The following BBIP1 variants were observed in gnomAD, a reference collection of about 807,000 sequenced individuals.
BBIP1 encodes BBSome-interacting protein 1.
Under a neutral mutation model 8.9 loss-of-function variants are expected in BBIP1, and 6 were observed. The ratio of observed to expected loss-of-function variants is 0.67; its 90% CI spans 0.37 to 1.33. The LOEUF is 1.33. Ranked by LOEUF, BBIP1 falls within the 40% of genes most tolerant of loss-of-function variation. BBIP1 has a pLI of 0.02. For missense variants in BBIP1, 111 were observed against 109.2 expected (o/e 1.02, Z -0.07); for synonymous variants, 32 against 33.4 (o/e 0.96, Z 0.14).
intron 2 of BBIP1, chr10:110,901,837 G>A (rs112847194): frequency 1.9e-5 from 9 of 481,222 alleles, no homozygotes; most frequent in Middle Eastern, 5.7e-4. Flanking sequence ...TACAAGGCTA[G>A]GTGTTGTAAT....
chr10:110,910,754 A>T (rs976641165), intron 2 of BBIP1: 4 of 152,230 alleles, frequency 2.6e-5, no homozygotes, highest in Admixed American at 2.0e-4. Context: ...TCATACCGGA[A>T]ACACAGATGA....
At chr10:110,909,512 T>C (rs1043408740) in intron 2 of BBIP1, among the ~76,000 whole-genome samples, 5 of 152,352 alleles carry the variant, frequency 3.3e-5, no homozygotes, top group Admixed American at 6.5e-5. Context: ...TTGGCTCTTA[T>C]GTCATCTTTT....
Position 110,905,485 on chromosome 10 carries a change from C to G in BBIP1, c.38-3873G>C, listed in dbSNP as rs1431646052. ...GCTGAGGCAGGAGAATGGCGTGAACCTGGGAGGCGGAGCTTGCAGTGAGCC... is the reference window on the plus strand; with the variant it reads ...GCTGAGGCAGGAGAATGGCGTGAACGTGGGAGGCGGAGCTTGCAGTGAGCC... On this transcript the variant is annotated intron_variant, in intron 2 of 3. Coordinates refer to ENST00000448814, the MANE Select transcript of BBIP1 (RefSeq NM_001195305.3). Among the ~76,000 whole-genome samples, 3 of 152,004 alleles carry G rather than the reference C, an allele frequency of 2.0e-5. No homozygotes were observed. In the East Asian group the frequency reaches 5.8e-4, roughly 29 times the overall value.
chr10:110,904,764 A>C (rs889161644), intron 2 of BBIP1: 2 of 152,264 alleles, frequency 1.3e-5, no homozygotes, highest in Non-Finnish European at 1.5e-5. Flanking sequence ...AGCTGACTAA[A>C]TGTTCACCAG....
chr10:110,918,187 G>C lies in BBIP1; in HGVS notation c.-30C>G. 6.5e-7 allele frequency: 1 copy of C among 1,528,340 alleles called. No individual in the cohort carries two copies. Among genetic ancestry groups the C allele is most frequent in the Non-Finnish European group, 8.8e-7 (1 of 1,139,898 alleles). The allele number at this position is 1,528,340 out of a possible 1,614,324, so 94.7% of individuals were successfully genotyped here. On this transcript the variant is annotated 5_prime_UTR_variant, in exon 2 of 4. Transcript: ENST00000448814. ...CCCGGTATTACCAAGATGACTTAGA[G>C]TTCTTGACTCAAGCATACAGAAGAA...
intron 2 of BBIP1, among the ~76,000 whole-genome samples, chr10:110,913,847 G>A (rs952576703): frequency 7.9e-5 from 12 of 152,322 alleles, no homozygotes; most frequent in African/African-American, 2.6e-4. Flanking sequence ...AACCCTTGAA[G>A]CTATCCACTT....
chr10:110,900,340 C>T lies in BBIP1; in HGVS notation c.*20G>A. On this transcript the variant is annotated 3_prime_UTR_variant, in exon 4 of 4. Transcript: ENST00000448814. ...AATAGTAGATAAGGCAGGTTGTTCC[C>T]TAAAGTGCTCAGTTATCATTCAGTG... The T allele has an allele frequency of 6.6e-7, 1 of 1,526,636 alleles. No homozygotes were observed. Among genetic ancestry groups the T allele is most frequent in the African/African-American group, 1.4e-5 (1 of 72,694 alleles). The allele number at this position is 1,526,636 out of a possible 1,614,324, so 94.6% of individuals were successfully genotyped here.
chr10:110,908,135 C>G (rs969122637), intron 2 of BBIP1: 85 of 173,484 alleles, frequency 4.9e-4, no homozygotes, highest in Non-Finnish European at 6.1e-5. Context: ...TTAGTAAAAG[C>G]TGTATTTCTT....
chr10:110,910,173 G>T (rs1192623977), intron 2 of BBIP1, among the ~76,000 whole-genome samples: 3 of 152,158 alleles, frequency 2.0e-5, no homozygotes, highest in Non-Finnish European at 4.4e-5. Context: ...AGCTGAATGG[G>T]GGTTTACTAG....
chr10:110,904,195 T>A (rs1846075731), intron 2 of BBIP1: 1 of 152,226 alleles, frequency 6.6e-6, no homozygotes. Flanking sequence ...CAGCTATGGC[T>A]GAAATTCATG....
intron 1 of BBIP1, 90 bp from the exon 2 acceptor site, chr10:110,918,303 G>T: frequency 1.5e-6 from 1 of 670,872 alleles, no homozygotes. Context: ...TTAAGAAACT[G>T]TAGACCTGCA....
upstream of BBIP1, chr10:110,919,362 G>A (rs910641847): frequency 3.7e-5 from 14 of 383,196 alleles, no homozygotes; most frequent in African/African-American, 2.5e-4. Flanking sequence ...CGGCGTAGAG[G>A]AACTGAGGAA....
intron 2 of BBIP1, among the ~76,000 whole-genome samples, chr10:110,915,021 G>C (rs1846366467): frequency 6.6e-6 from 1 of 152,182 alleles, no homozygotes; most frequent in African/African-American, 2.4e-5. Context: ...AAAGAGAAAA[G>C]TTGTTTGATA....
At chr10:110,904,006 G>A (rs1363067167) in intron 2 of BBIP1, 1 of 152,216 alleles carries the variant, frequency 6.6e-6, no homozygotes, top group Admixed American at 6.5e-5. Context: ...GCAGCCTACT[G>A]CTGATCACGT....
chr10:110,909,608 C>T (rs887215054), intron 2 of BBIP1, among the ~76,000 whole-genome samples: 1 of 152,218 alleles, frequency 6.6e-6, no homozygotes, highest in Admixed American at 6.5e-5. Flanking sequence ...CTTCCCTGCA[C>T]ACCTATTACA....
chr10:110,908,497 G>C (rs1367860268), intron 2 of BBIP1, among the ~76,000 whole-genome samples: 1 of 152,164 alleles, frequency 6.6e-6, no homozygotes, highest in Non-Finnish European at 1.5e-5. Flanking sequence ...ATCTTATATT[G>C]AAATTTTAAT....
chr10:110,916,863 G>A (rs1397044565), intron 2 of BBIP1, among the ~76,000 whole-genome samples: 1 of 152,202 alleles, frequency 6.6e-6, no homozygotes, highest in African/African-American at 2.4e-5. Flanking sequence ...AGGATTAAAT[G>A]CTACCCTCTT....
rs575478780 is a variant in BBIP1 at position 110,917,693 on chromosome 10, C to T, written c.37+428G>A. 3.9e-5 allele frequency among the ~76,000 whole-genome samples: 6 copies of T among 152,058 alleles called. No individual in the cohort carries two copies. In the South Asian group the frequency reaches 1.2e-3, roughly 32 times the overall value. Reference sequence around the variant, plus strand: ...GTGTCTTGGGCATCCAAGAGACACCCGATATATTCAAACTTTCAGTAAGTA... The same window carrying T: ...GTGTCTTGGGCATCCAAGAGACACCTGATATATTCAAACTTTCAGTAAGTA... On this transcript the variant is annotated intron_variant, in intron 2 of 3. Coordinates refer to ENST00000448814, the MANE Select transcript of BBIP1 (RefSeq NM_001195305.3).
At chr10:110,918,360 G>A (rs1846484623) in intron 1 of BBIP1, 147 bp from the exon 2 acceptor site, 1 of 553,776 alleles carries the variant, frequency 1.8e-6, no homozygotes, top group Non-Finnish European at 3.2e-6. Flanking sequence ...AAGACTCAAA[G>A]GAGAGACGCG....
Sources: gnomAD v4.1 joint callset for allele counts (sites outside exome capture counted in the v4.1 genomes callset) on GRCh38, gnomAD v4.1.1 for gene constraint, MANE v1.5 for transcripts, NCBI Gene and HGNC (gene_info 2026-07-23, HGNC 2026-07-21) for gene names.